COL22A1: variants seen among roughly 807,000 people sequenced by gnomAD.
COL22A1 encodes collagen alpha-1(XXII) chain.
COL22A1 carries 221 observed loss-of-function variants against 248.9 expected under a neutral mutation model. The observed-to-expected ratio is 0.89, with a 90% CI of 0.80 to 0.99. The LOEUF (loss-of-function observed/expected upper bound fraction) is 0.99. Among genes scored for constraint, COL22A1 ranks in the 50% least tolerant of loss-of-function variants. COL22A1 has a pLI of 0.00. For synonymous variants in COL22A1, 891 were observed against 793.4 expected (o/e 1.12, Z -2.07); for missense variants, 2,240 against 2,179.0 (o/e 1.03, Z -0.56).
rs745689309 is a variant in COL22A1 at position 138,608,003 on chromosome 8, C to A, written c.3979-14G>T. 4.3e-6 allele frequency: 7 copies of A among 1,613,502 alleles called. No homozygotes were observed. Among genetic ancestry groups the A allele is most frequent in the Non-Finnish European group, 5.9e-6 (7 of 1,179,730 alleles). ...TCCATTCTTGCCCTGGTGGAAGAAA[C>A]AGAGGTAATCATCCTGCCAGGGCAT... On this transcript the variant is annotated splice_polypyrimidine_tract_variant and intron_variant, in intron 56 of 64. Transcript: ENST00000303045.
chr8:138,664,209 G>GCGCGCGCGCGCACACACACACA (rs1440442280), intron 41 of COL22A1, among the ~76,000 whole-genome samples: 1 of 103,158 alleles, frequency 9.7e-6, no homozygotes, highest in African/African-American at 4.0e-5. Flanking sequence ...GCGCGCGCGC[G>GCGCGCGCGCGCACACACACACA]CACACACACA....
chr8:138,601,147 C>G (rs1817971273), intron 60 of COL22A1, among the ~76,000 whole-genome samples: 1 of 151,536 alleles, frequency 6.6e-6, no homozygotes, highest in African/African-American at 2.4e-5. Context: ...CCAGTAGCTC[C>G]CACGGCTGCC....
At chr8:138,721,131 G>C (rs1026118652) in intron 26 of COL22A1, among the ~76,000 whole-genome samples, 1 of 152,212 alleles carries the variant, frequency 6.6e-6, no homozygotes, top group Admixed American at 6.5e-5. Flanking sequence ...TGTCTCAAAA[G>C]ACGGGAAAGA....
At chr8:138,863,998 GA>G (rs984660001) in intron 3 of COL22A1, among the ~76,000 whole-genome samples, 2 of 152,064 alleles carry the variant, frequency 1.3e-5, no homozygotes, top group Non-Finnish European at 2.9e-5. Flanking sequence ...CCCCTCCCCA[GA>G]AAAAAAGAAA....
At chr8:138,647,021 AGTGATG>A (rs1307245344) in intron 46 of COL22A1, among the ~76,000 whole-genome samples, 1 of 152,234 alleles carries the variant, frequency 6.6e-6, no homozygotes, top group Non-Finnish European at 1.5e-5. Flanking sequence ...ACATGGCAGA[AGTGATG>A]GTGTGTACTT....
At chr8:138,802,275 C>T (rs927581728) in intron 11 of COL22A1, among the ~76,000 whole-genome samples, 31 of 152,092 alleles carry the variant, frequency 2.0e-4, no homozygotes, top group Non-Finnish European at 2.2e-4. Context: ...TCATTAATTG[C>T]ATTCACTCAT....
chr8:138,811,639 A>T (rs1231125459), intron 9 of COL22A1, among the ~76,000 whole-genome samples, 160 bp downstream of exon 9: 1 of 152,136 alleles, frequency 6.6e-6, no homozygotes, highest in Non-Finnish European at 1.5e-5. Context: ...TCCAGTGTGC[A>T]CAAGAAGCAA....
rs571505642 is a variant in COL22A1 at position 138,691,412 on chromosome 8, T to C, written c.2755-538A>G. On this transcript the variant is annotated intron_variant, in intron 35 of 64. Transcript: ENST00000303045. ...ATGTTTGTGGAGGTATGTGTATGTG[T>C]GCACGTCCATGTGTGCACGTTTGTG... Among the ~76,000 whole-genome samples, 7 of 151,826 alleles carry C rather than the reference T, an allele frequency of 4.6e-5. No individual in the cohort carries two copies. The South Asian group carries it at 1.5e-3, about 32-fold the overall frequency.
At position 138,703,299 on chromosome 8, in the gene COL22A1, A is replaced by G; in HGVS notation, c.2559+7T>C. On this transcript the variant is annotated splice_region_variant and intron_variant, in intron 31 of 64. Coordinates refer to ENST00000303045, the MANE Select transcript of COL22A1 (RefSeq NM_152888.3). ...GAGGAGAAAGAATTAGAAGCGGAGT[A>G]ACTTACAGTTCCAGGTAACCCGGGA... The G allele has an allele frequency of 6.2e-7, 1 of 1,612,306 alleles. No individual in the cohort carries two copies. The highest frequency in any genetic ancestry group is 1.1e-5 in the South Asian group (1 of 91,034).
chr8:138,652,527 C>T (rs1822833248), intron 45 of COL22A1, among the ~76,000 whole-genome samples: 1 of 152,116 alleles, frequency 6.6e-6, no homozygotes, highest in African/African-American at 2.4e-5. Context: ...TTATCTCAGG[C>T]AAGTCAATTA....
intron 35 of COL22A1, among the ~76,000 whole-genome samples, chr8:138,691,533 ATGTG>A (rs1232611200): frequency 2.4e-4 from 4 of 16,748 alleles, no homozygotes; most frequent in African/African-American, 4.8e-4. Flanking sequence ...AGGTGTGTGT[ATGTG>A]TGTATGTCCG....
intron 23 of COL22A1, among the ~76,000 whole-genome samples, chr8:138,736,817 C>T (rs1563687865): frequency 6.6e-6 from 1 of 152,120 alleles, no homozygotes; most frequent in Non-Finnish European, 1.5e-5. Flanking sequence ...GACTGGGGCC[C>T]TAACCCCATC....
intron 3 of COL22A1, among the ~76,000 whole-genome samples, chr8:138,867,293 C>G (rs1490061641): frequency 1.3e-5 from 2 of 152,130 alleles, no homozygotes; most frequent in Non-Finnish European, 2.9e-5. Context: ...CTGGAATGGA[C>G]CAGTTCCCCA....
chr8:138,725,752 GACAC>G (rs66497386), intron 23 of COL22A1, among the ~76,000 whole-genome samples: 3,249 of 148,616 alleles, frequency 0.022, 62 homozygotes, highest in East Asian at 0.058. Flanking sequence ...CACATGTGCA[GACAC>G]ACACACACAC....
intron 1 of COL22A1, among the ~76,000 whole-genome samples, chr8:138,902,117 A>G (rs978942746): frequency 2.0e-5 from 3 of 151,786 alleles, no homozygotes; most frequent in African/African-American, 4.8e-5. Flanking sequence ...ACCAGATGAG[A>G]CCTCCCAAGT....
chr8:138,906,675 C>CA lies in COL22A1; in HGVS notation c.-73+6943dup, dbSNP rs1463079006. Among the ~76,000 whole-genome samples, 8 of 149,048 alleles carry CA rather than the reference C, an allele frequency of 5.4e-5. No homozygotes were observed. The South Asian group carries it at 8.5e-4, about 16-fold the overall frequency. ...TTCTTTTTCTTTTTTTTTTTTGAGA[C>CA]AGAGTCTGGCTCTGTCACCCAGGCT... On this transcript the variant is annotated intron_variant, in intron 1 of 64. Transcript: ENST00000303045.
At chr8:138,819,738 TAC>T (rs1394748054) in intron 7 of COL22A1, among the ~76,000 whole-genome samples, 2 of 149,060 alleles carry the variant, frequency 1.3e-5, no homozygotes, top group African/African-American at 4.9e-5. Context: ...TTTATATATT[TAC>T]ACACAACATA....
At chr8:138,877,163 C>T (rs11990492) in intron 3 of COL22A1, among the ~76,000 whole-genome samples, 85,677 of 151,608 alleles carry the variant, frequency 0.57, 25,931 homozygotes, top group East Asian at 0.85. Flanking sequence ...AGCTAGAGGC[C>T]TTGGGTTATC....
chr8:138,786,672 A>T (rs912889383), intron 12 of COL22A1, among the ~76,000 whole-genome samples: 6 of 152,150 alleles, frequency 3.9e-5, no homozygotes, highest in African/African-American at 1.4e-4. Context: ...TTGGGAGGCC[A>T]AGGCAGGTGG....
Sources: gnomAD v4.1 joint callset for allele counts (sites outside exome capture counted in the v4.1 genomes callset) on GRCh38, gnomAD v4.1.1 for gene constraint, MANE v1.5 for transcripts, NCBI Gene and HGNC (gene_info 2026-07-23, HGNC 2026-07-21) for gene names.